LEPR: variants seen among roughly 807,000 people sequenced by gnomAD.
LEPR encodes the protein leptin receptor.
A neutral mutation model predicts 114.7 loss-of-function variants in LEPR; 56 were observed. The ratio of observed to expected loss-of-function variants is 0.49; its 90% CI spans 0.39 to 0.61. LEPR has a LOEUF of 0.61. Ranked by LOEUF, LEPR falls within the 20% of genes least tolerant of loss-of-function variation. The pLI, the probability that LEPR is intolerant of heterozygous loss-of-function variation, is 0.00. For synonymous variants in LEPR, 443 were observed against 461.4 expected (o/e 0.96, Z 0.51); for missense variants, 1,202 against 1,352.9 (o/e 0.89, Z 1.75).
chr1:65,594,275 A>G (rs1258154107), intron 6 of LEPR, among the ~76,000 whole-genome samples: 1 of 152,078 alleles, frequency 6.6e-6, no homozygotes, highest in Non-Finnish European at 1.5e-5. Context: ...AGATACAATG[A>G]ACTTGGTAAT....
chr1:65,507,047 C>T (rs767464153), intron 2 of LEPR, among the ~76,000 whole-genome samples: 20 of 152,068 alleles, frequency 1.3e-4, no homozygotes, highest in Non-Finnish European at 2.9e-4. Context: ...TCTAGCCACG[C>T]CTGGCTTATT....
At chr1:65,432,953 CAA>C (rs1361036646) in intron 2 of LEPR, 1 of 984,546 alleles carries the variant, frequency 1.0e-6, no homozygotes, top group Non-Finnish European at 1.2e-6. Context: ...AAATAAAAAA[CAA>C]AACATACTCT....
chr1:65,590,501 C>T (rs1424544274), intron 5 of LEPR, among the ~76,000 whole-genome samples: 2 of 151,522 alleles, frequency 1.3e-5, no homozygotes, highest in Non-Finnish European at 1.5e-5. Context: ...GCGGTTACCT[C>T]CATGATAATG....
chr1:65,634,289 C>T, intron 19 of LEPR: 2 of 982,846 alleles, frequency 2.0e-6, no homozygotes, highest in Non-Finnish European at 2.4e-6. Context: ...GAAAAGAACT[C>T]TACAAAAACG....
intron 15 of LEPR, among the ~76,000 whole-genome samples, chr1:65,616,603 A>G (rs973958979): frequency 3.9e-5 from 6 of 151,982 alleles, no homozygotes; most frequent in African/African-American, 7.2e-5. Context: ...AAATAAGTAT[A>G]TATCATATTA....
chr1:65,618,135 A>C lies in LEPR; in HGVS notation c.2384A>C (p.Tyr795Ser), dbSNP rs770302957. 7 of 1,606,200 alleles carry C rather than the reference A, an allele frequency of 4.4e-6. No individual in the cohort carries two copies. The South Asian group carries it at 7.7e-5, about 18-fold the overall frequency. ...WLRISSSVKK[Y>S]YIHDHFIPIE... ...AGAATCTCTTCATCTGTTAAGAAGT[A>C]TTATATCCATGGTAAGTTTACTATA... The change falls in exon 16 of 20, where the codon TAT (tyrosine) becomes TCT (serine). Residue 795 changes from tyrosine to serine, a missense_variant. Coordinates refer to ENST00000349533, the MANE Select transcript of LEPR (RefSeq NM_002303.6).
intron 2 of LEPR, among the ~76,000 whole-genome samples, chr1:65,500,808 C>A (rs947920968): frequency 6.6e-6 from 1 of 152,024 alleles, no homozygotes; most frequent in Non-Finnish European, 1.5e-5. Flanking sequence ...CACCCTTAAC[C>A]CCCACGTTGT....
chr1:65,491,857 A>G (rs1378603843), intron 2 of LEPR, among the ~76,000 whole-genome samples: 1 of 152,122 alleles, frequency 6.6e-6, no homozygotes, highest in Non-Finnish European at 1.5e-5. Context: ...GAGATGAGCT[A>G]TAGGGCAGCT....
At chr1:65,576,388 T>A (rs1204778675) in intron 5 of LEPR, 3 of 152,136 alleles carry the variant, frequency 2.0e-5, no homozygotes, top group African/African-American at 7.5e-5. Flanking sequence ...AATCCAGATC[T>A]GATTTGGGTC....
At chr1:65,614,790 A>G (rs1455532645) in intron 14 of LEPR, among the ~76,000 whole-genome samples, 2 of 152,192 alleles carry the variant, frequency 1.3e-5, no homozygotes, top group Admixed American at 1.3e-4. Context: ...TTGATTTGTA[A>G]GGTAAGAGGG....
chr1:65,433,152 A>C (rs1471198508), intron 2 of LEPR: 2 of 985,256 alleles, frequency 2.0e-6, no homozygotes, highest in Admixed American at 1.2e-4. Flanking sequence ...ACTTCTCCCC[A>C]GCTCCTTCCC....
chr1:65,485,256 G>A (rs747522858), intron 2 of LEPR, among the ~76,000 whole-genome samples: 18 of 152,086 alleles, frequency 1.2e-4, no homozygotes, highest in Non-Finnish European at 2.5e-4. Context: ...GTCAACACAC[G>A]TTCATAATTA....
rs1156414324 is a variant in LEPR, at chr1:65,637,275, A to T, written c.*260A>T. ...AGGTCCCTTGTTTCCAGCTAGAAATAAGCCCAACAGACACCATCTTTTGTG... is the reference window on the plus strand; with the variant it reads ...AGGTCCCTTGTTTCCAGCTAGAAATTAGCCCAACAGACACCATCTTTTGTG... On this transcript the variant is annotated 3_prime_UTR_variant, in exon 20 of 20. Coordinates refer to ENST00000349533, the MANE Select transcript of LEPR (RefSeq NM_002303.6). 5.4e-6 allele frequency: 2 copies of T among 372,156 alleles called. No homozygotes were observed. Among genetic ancestry groups the T allele is most frequent in the Non-Finnish European group, 9.8e-6 (2 of 203,556 alleles). 23.1% of individuals were successfully genotyped at this position (372,156 alleles called of 1,614,324 possible). A position where few individuals can be genotyped will look rare whatever the true frequency, so the allele number is the denominator to read the frequency against.
intron 2 of LEPR, among the ~76,000 whole-genome samples, chr1:65,550,139 A>G (rs1392481609): frequency 6.6e-6 from 1 of 152,132 alleles, no homozygotes; most frequent in Non-Finnish European, 1.5e-5. Flanking sequence ...ATTTTCGTGA[A>G]CCGCGAATGC....
intron 19 of LEPR, among the ~76,000 whole-genome samples, chr1:65,628,983 GGT>G (rs1294847973): frequency 6.6e-6 from 1 of 151,944 alleles, no homozygotes; most frequent in Non-Finnish European, 1.5e-5. Context: ...TGGTTTTTCT[GGT>G]ATGTCACCTT....
intron 2 of LEPR, among the ~76,000 whole-genome samples, chr1:65,493,712 T>G (rs1557623150): frequency 6.6e-6 from 1 of 152,144 alleles, no homozygotes; most frequent in African/African-American, 2.4e-5. Flanking sequence ...TGTTTTCTCT[T>G]GTATATCGGA....
chr1:65,548,541 T>C (rs1328825297), intron 2 of LEPR, among the ~76,000 whole-genome samples: 1 of 152,170 alleles, frequency 6.6e-6, no homozygotes, highest in Non-Finnish European at 1.5e-5. Context: ...CTTGTTGAAT[T>C]GATCCCTTTA....
At chr1:65,526,168 T>C (rs920088803) in intron 2 of LEPR, 106 of 983,478 alleles carry the variant, frequency 1.1e-4, no homozygotes, top group Non-Finnish European at 1.2e-4. Context: ...CTTTGGAAAC[T>C]GAAGGGACTG....
rs560811462 is a variant in LEPR at position 65,515,671 on chromosome 1, G to T, written c.-20-49875G>T. On this transcript the variant is annotated intron_variant, in intron 2 of 19. Transcript: ENST00000349533. ...GTGTTCGTTTGTTCTGTATGTATTTGTTCCTCTTGTCTTTCTTTCATAGAA... is the reference window on the plus strand; with the variant it reads ...GTGTTCGTTTGTTCTGTATGTATTTTTTCCTCTTGTCTTTCTTTCATAGAA... Among the ~76,000 whole-genome samples, 3 of 152,150 alleles carry T rather than the reference G, an allele frequency of 2.0e-5. No homozygotes were observed. In the East Asian group the frequency reaches 5.8e-4, roughly 29 times the overall value.
Sources: allele counts gnomAD v4.1 joint callset (sites outside exome capture counted in the v4.1 genomes callset), GRCh38; gene constraint gnomAD v4.1.1; transcripts MANE v1.5; gene names NCBI Gene and HGNC (gene_info 2026-07-23, HGNC 2026-07-21).